Variants in MCPH1 observed in about 807,000 individuals in gnomAD.
MCPH1 encodes microcephalin 1.
Under a neutral mutation model 84.5 loss-of-function variants are expected in MCPH1, and 104 were observed. That is an observed-to-expected ratio of 1.23 (90% CI 1.05 to 1.45). The LOEUF (loss-of-function observed/expected upper bound fraction) is 1.45, where lower values mean the gene tolerates loss of function less well. Ranked by LOEUF, MCPH1 falls within the 40% of genes most tolerant of loss-of-function variation. MCPH1 has a pLI of 0.00. For synonymous variants in MCPH1, 514 were observed against 366.8 expected, an observed-to-expected ratio of 1.40 and a Z score of -4.58; for missense variants, 1,498 against 1,005.7, an observed-to-expected ratio of 1.49 and a Z score of -6.62.
chr8:6,477,431 GT>G (rs929842006), intron 9 of MCPH1, 162 bp from the exon 10 acceptor site: 1 of 628,984 alleles, frequency 1.6e-6, no homozygotes, highest in Non-Finnish European at 2.7e-6. Context: ...CTCTTGGCCT[GT>G]TTTTTCCAGG....
In MCPH1 at chr8:6,647,203, C is replaced by T. The variant is rs1170938415; in HGVS notation, c.*4154C>T. The T allele has an allele frequency of 2.6e-5, 4 of 152,052 alleles. No individual in the cohort carries two copies. The highest frequency in any genetic ancestry group is 5.9e-5 in the Non-Finnish European group (4 of 68,000). The allele number at this position is 152,052 out of a possible 1,614,324, so 9.4% of individuals were successfully genotyped here. ...AATATTATTAGTCACTAGGGAAATA[C>T]AAATTAAAGGCCCAATGAAATACCT... On this transcript the variant is annotated 3_prime_UTR_variant, in exon 14 of 14. Coordinates refer to ENST00000344683, the MANE Select transcript of MCPH1 (RefSeq NM_024596.5).
intron 11 of MCPH1, among the ~76,000 whole-genome samples, chr8:6,490,483 C>T (rs1810439032): frequency 6.6e-6 from 1 of 152,306 alleles, no homozygotes; most frequent in African/African-American, 2.4e-5. Context: ...ACTTCTCTTA[C>T]AGTCTGTGTG....
At chr8:6,445,658 C>G in intron 8 of MCPH1, 111 bp downstream of exon 8, 1 of 1,463,406 alleles carries the variant, frequency 6.8e-7, no homozygotes, top group Non-Finnish European at 9.0e-7. Flanking sequence ...ATTTACTCCT[C>G]TTTTTACTTA....
At chr8:6,411,080 A>G (rs544137888) in intron 2 of MCPH1, among the ~76,000 whole-genome samples, 1 of 152,204 alleles carries the variant, frequency 6.6e-6, no homozygotes, top group South Asian at 2.1e-4. Flanking sequence ...ACGGAGTAAG[A>G]TTCTGTCTCC....
At chr8:6,533,745 G>T (rs1420838090) in intron 12 of MCPH1, among the ~76,000 whole-genome samples, 2 of 151,960 alleles carry the variant, frequency 1.3e-5, no homozygotes, top group African/African-American at 4.8e-5. Flanking sequence ...ACTGGTTCTG[G>T]TGCCCTCCTT....
At chr8:6,455,361 A>T (rs1357229892) in intron 9 of MCPH1, 109 bp downstream of exon 9, 21 of 784,918 alleles carry the variant, frequency 2.7e-5, no homozygotes, top group Admixed American at 2.7e-4. Flanking sequence ...CTTTTATTCT[A>T]AAAAATTGAT....
At chr8:6,418,891 T>C (rs1799715712) in intron 3 of MCPH1, among the ~76,000 whole-genome samples, 1 of 152,200 alleles carries the variant, frequency 6.6e-6, no homozygotes, top group African/African-American at 2.4e-5. Flanking sequence ...GGATTTTTTT[T>C]TTAAGACTCA....
At chr8:6,609,828 C>CCCCCCCCCCCCCCACA (rs1475345162) in intron 12 of MCPH1, among the ~76,000 whole-genome samples, 6 of 108,680 alleles carry the variant, frequency 5.5e-5, no homozygotes, top group Non-Finnish European at 1.1e-4. Flanking sequence ...CGCCCCCCCC[C>CCCCCCCCCCCCCCACA]CACACACAGA....
intron 12 of MCPH1, among the ~76,000 whole-genome samples, chr8:6,566,734 T>C (rs1326162397): frequency 2.9e-5 from 4 of 139,804 alleles, no homozygotes; most frequent in Non-Finnish European, 6.3e-5. Flanking sequence ...AGGCCATGGA[T>C]AGTGCACGTG....
rs1819732382 is a variant in MCPH1 at position 6,532,586 on chromosome 8, A to AAC, written c.2214+32658_2214+32659insCA. On this transcript the variant is annotated intron_variant, in intron 12 of 13. Coordinates refer to ENST00000344683, the MANE Select transcript of MCPH1 (RefSeq NM_024596.5). ...TCCTCCCTATCTTTAAAAAAAAAAAAAAAAAATCTATCAAAAGACTTGTAC... is the reference window on the plus strand; with the variant it reads ...TCCTCCCTATCTTTAAAAAAAAAAAAACAAAAAATCTATCAAAAGACTTGTAC... 1.7e-5 allele frequency: 15 copies of AAC among 887,454 alleles called. No homozygotes were observed. In the South Asian group the frequency reaches 4.7e-4, roughly 28 times the overall value. The allele number at this position is 887,454 out of a possible 1,614,324, so 55.0% of individuals were successfully genotyped here.
chr8:6,492,932 C>G (rs1228100495), intron 11 of MCPH1, among the ~76,000 whole-genome samples: 1 of 151,972 alleles, frequency 6.6e-6, no homozygotes. Flanking sequence ...TCTAGGGAGG[C>G]TATGGCAGAG....
chr8:6,532,558 G>A (rs2515482), intron 12 of MCPH1: 765,039 of 1,102,348 alleles, frequency 0.69, 269,034 homozygotes, highest in Non-Finnish European at 0.71. Context: ...AATGTTTGTC[G>A]TCTCCTCCCT....
In MCPH1 at chr8:6,455,194, G is replaced by T. The variant is rs557528693; in HGVS notation, c.1877G>T (p.Gly626Val). 1.2e-6 allele frequency: 2 copies of T among 1,614,044 alleles called. No homozygotes were observed. Among genetic ancestry groups the T allele is most frequent in the Admixed American group, 1.7e-5 (1 of 60,018 alleles). Reference sequence around the variant, plus strand: ...GATGTTTTAGATGACTCATGTGACGGCTTTAAGGACCTCATCAAACCTCAT... The same window carrying T: ...GATGTTTTAGATGACTCATGTGACGTCTTTAAGGACCTCATCAAACCTCAT... ...RHDVLDDSCD[G>V]FKDLIKPHEE... Residue 626 changes from glycine to valine, a missense_variant, in exon 9 of 14, where the codon GGC becomes GTC. Transcript: ENST00000344683.
Position 6,437,355 on chromosome 8 carries a change from C to T in MCPH1, c.436+1193C>T, listed in dbSNP as rs541599202. 4.3e-4 allele frequency among the ~76,000 whole-genome samples: 65 copies of T among 152,096 alleles called. 1 individual carries two copies. The highest frequency in any genetic ancestry group is 1.2e-3 in the African/African-American group (48 of 41,492). On this transcript the variant is annotated intron_variant, in intron 5 of 13. Coordinates refer to ENST00000344683, the MANE Select transcript of MCPH1 (RefSeq NM_024596.5). ...AAGCAATTCTCCTGGCTCAGCCTCC[C>T]GAGAAGCTGGGATTATAGGGGCGTA... is the stretch of plus-strand genomic sequence containing the variant.
At chr8:6,559,848 G>GC (rs1240439129) in intron 12 of MCPH1, among the ~76,000 whole-genome samples, 1 of 152,176 alleles carries the variant, frequency 6.6e-6, no homozygotes, top group Non-Finnish European at 1.5e-5. Context: ...TGTTTTGTGT[G>GC]CTAGCGATCA....
At chr8:6,595,204 A>G (rs978020637) in intron 12 of MCPH1, among the ~76,000 whole-genome samples, 1 of 152,194 alleles carries the variant, frequency 6.6e-6, no homozygotes, top group Non-Finnish European at 1.5e-5. Flanking sequence ...TACTTGGGAT[A>G]TGTCAGGGAG....
chr8:6,408,469 G>C (rs946537652), intron 1 of MCPH1, among the ~76,000 whole-genome samples: 7 of 151,834 alleles, frequency 4.6e-5, no homozygotes, highest in African/African-American at 1.7e-4. Flanking sequence ...CAATCCTCCC[G>C]CCTCCACCTT....
At chr8:6,414,958 C>A (rs893890005) in intron 3 of MCPH1, 75 bp downstream of exon 3, 2 of 1,475,738 alleles carry the variant, frequency 1.4e-6, no homozygotes, top group African/African-American at 2.8e-5. Context: ...TTTCACAGAT[C>A]GCAGAACCAG....
intron 13 of MCPH1, among the ~76,000 whole-genome samples, chr8:6,641,951 G>A (rs769232148): frequency 2.0e-5 from 3 of 152,094 alleles, no homozygotes; most frequent in Non-Finnish European, 4.4e-5. Flanking sequence ...CAGGCCTCCT[G>A]GGTAGAAGCA....
Sources: gnomAD v4.1 joint callset for allele counts (sites outside exome capture counted in the v4.1 genomes callset) on GRCh38, gnomAD v4.1.1 for gene constraint, MANE v1.5 for transcripts, NCBI Gene and HGNC (gene_info 2026-07-23, HGNC 2026-07-21) for gene names.